The following TAFA2 variants were observed in gnomAD, a reference collection of about 807,000 sequenced individuals.
TAFA2 encodes the protein TAFA chemokine like family member 2.
In TAFA2, 7 loss-of-function variants were observed where a neutral mutation model predicts 18.8. The observed-to-expected ratio is 0.37, with a 90% CI of 0.21 to 0.70. The LOEUF is 0.70. Among genes scored for constraint, TAFA2 ranks in the 30% least tolerant of loss-of-function variants. The pLI is 0.53. For missense variants in TAFA2, 122 were observed against 158.1 expected, an observed-to-expected ratio of 0.77 and a Z score of 1.23; for synonymous variants, 60 against 54.2, an observed-to-expected ratio of 1.11 and a Z score of -0.47.
chr12:61,786,779 A>C (rs1404268622), intron 2 of TAFA2, among the ~76,000 whole-genome samples: 1 of 151,546 alleles, frequency 6.6e-6, no homozygotes, highest in East Asian at 1.9e-4. Context: ...CTATACGTGA[A>C]AGAGTATAAT....
intron 1 of TAFA2, among the ~76,000 whole-genome samples, chr12:62,094,856 C>G (rs2136839788): frequency 6.6e-6 from 1 of 152,094 alleles, no homozygotes; most frequent in East Asian, 1.9e-4. Context: ...TACTGCACTC[C>G]ATTCTGAGAA....
chr12:61,954,109 C>A (rs796467404), intron 1 of TAFA2, among the ~76,000 whole-genome samples: 4 of 152,212 alleles, frequency 2.6e-5, no homozygotes, highest in African/African-American at 9.6e-5. Context: ...AATTTCTCAT[C>A]CCTCACCTTC....
chr12:62,116,976 C>A (rs1195718800), intron 1 of TAFA2, among the ~76,000 whole-genome samples: 1 of 152,028 alleles, frequency 6.6e-6, no homozygotes, highest in Non-Finnish European at 1.5e-5. Context: ...AGAGGAGACA[C>A]CGGGGATGCA....
chr12:62,127,149 C>A (rs1056712027), intron 1 of TAFA2, among the ~76,000 whole-genome samples: 3 of 152,068 alleles, frequency 2.0e-5, no homozygotes, highest in Admixed American at 2.0e-4. Context: ...GGTCTCAAGT[C>A]AGGCCTTTAT....
At chr12:61,996,854 A>G (rs1880206838) in intron 1 of TAFA2, among the ~76,000 whole-genome samples, 1 of 152,194 alleles carries the variant, frequency 6.6e-6, no homozygotes, top group South Asian at 2.1e-4. Context: ...CCAAGAAAAA[A>G]CAAAATTTCT....
At chr12:62,011,751 TAAAAAA>T (rs202026493) in intron 1 of TAFA2, among the ~76,000 whole-genome samples, 16,020 of 102,860 alleles carry the variant, frequency 0.16, 1,089 homozygotes, top group African/African-American at 0.23. Flanking sequence ...CAATAAATAC[TAAAAAA>T]AAAAAAAAAA....
intron 2 of TAFA2, among the ~76,000 whole-genome samples, chr12:61,777,628 C>T (rs1392311668): frequency 6.6e-6 from 1 of 151,534 alleles, no homozygotes; most frequent in Non-Finnish European, 1.5e-5. Context: ...AGTCAGACTA[C>T]TTGCACTCAA....
chr12:61,918,166 CAA>C (rs764505228), intron 1 of TAFA2, among the ~76,000 whole-genome samples: 13 of 152,198 alleles, frequency 8.5e-5, no homozygotes, highest in Non-Finnish European at 1.8e-4. Context: ...TTCAAACAAT[CAA>C]ATCATACTCT....
chr12:61,768,404 A>T (rs1869879369), intron 2 of TAFA2, among the ~76,000 whole-genome samples: 1 of 152,100 alleles, frequency 6.6e-6, no homozygotes, highest in African/African-American at 2.4e-5. Context: ...TTGCTCCAAG[A>T]ACTACCGCAG....
chr12:61,788,764 C>T (rs1482294770), intron 2 of TAFA2, among the ~76,000 whole-genome samples: 1 of 151,624 alleles, frequency 6.6e-6, no homozygotes, highest in African/African-American at 2.4e-5. Context: ...TGAACAATTA[C>T]ATGCCAACAA....
chr12:61,710,832 A>T (rs1232468899), intron 4 of TAFA2, among the ~76,000 whole-genome samples: 1 of 152,120 alleles, frequency 6.6e-6, no homozygotes, highest in Non-Finnish European at 1.5e-5. Flanking sequence ...CAGTCACATC[A>T]TATTCTCAAA....
At position 61,874,905 on chromosome 12, in the gene TAFA2, C is replaced by T. The variant is rs534800235; in HGVS notation, c.-1-7479G>A. Among the ~76,000 whole-genome samples, 560 of 150,254 alleles carry T rather than the reference C, an allele frequency of 3.7e-3. 4 individuals carry two copies. The highest frequency in any genetic ancestry group is 0.013 in the African/African-American group (543 of 41,062). On this transcript the variant is annotated intron_variant, in intron 1 of 4. Coordinates refer to ENST00000416284, the MANE Select transcript of TAFA2 (RefSeq NM_178539.5). ...TGGGAATGTTGTCTATTTTTTTTTT[C>T]GAACAGGAATGCCATTAGAGTAAAC...
At chr12:61,891,763 T>C (rs1592464999) in intron 1 of TAFA2, among the ~76,000 whole-genome samples, 1 of 151,684 alleles carries the variant, frequency 6.6e-6, no homozygotes, top group Non-Finnish European at 1.5e-5. Flanking sequence ...AATAGTGAAA[T>C]AGAGAGAAGG....
intron 1 of TAFA2, among the ~76,000 whole-genome samples, chr12:62,112,709 C>T (rs542985572): frequency 1.3e-5 from 2 of 152,030 alleles, no homozygotes; most frequent in Non-Finnish European, 2.9e-5. Flanking sequence ...CTAATCTCAT[C>T]TTCAAGCTTT....
chr12:62,085,127 A>G (rs1868399866), intron 1 of TAFA2, among the ~76,000 whole-genome samples: 2 of 152,118 alleles, frequency 1.3e-5, no homozygotes, highest in South Asian at 2.1e-4. Context: ...AATTAATTTT[A>G]CTTTGTTGCT....
At chr12:62,221,930 A>G (rs1194479094) in intron 1 of TAFA2, among the ~76,000 whole-genome samples, 1 of 152,218 alleles carries the variant, frequency 6.6e-6, no homozygotes, top group Non-Finnish European at 1.5e-5. Context: ...ACACGCAACT[A>G]CAAAGTGCTA....
rs571631549 is a variant in TAFA2 at position 62,016,576 on chromosome 12, A to C, written c.-1-149150T>G. Among the ~76,000 whole-genome samples, 14 of 152,298 alleles carry C rather than the reference A, an allele frequency of 9.2e-5. 1 individual carries two copies. In the East Asian group the frequency reaches 1.4e-3, roughly 15 times the overall value. On this transcript the variant is annotated intron_variant, in intron 1 of 4. Transcript: ENST00000416284. ...TTCTTCCCACAGGCACCAGGGAAAG[A>C]AAATTTAGAATCAAGATGCAGGTGG... is the stretch of plus-strand genomic sequence containing the variant.
At chr12:61,735,656 T>C (rs1470827501) in intron 4 of TAFA2, among the ~76,000 whole-genome samples, 1 of 152,070 alleles carries the variant, frequency 6.6e-6, no homozygotes, top group African/African-American at 2.4e-5. Flanking sequence ...TTTTGCCTTC[T>C]TTTGTATAGT....
At chr12:61,912,729 A>C (rs1045537854) in intron 1 of TAFA2, among the ~76,000 whole-genome samples, 111 of 152,338 alleles carry the variant, frequency 7.3e-4, no homozygotes, top group African/African-American at 2.5e-3. Flanking sequence ...CCCCTGGTAA[A>C]GCTAAAAAAC....
Sources: gnomAD v4.1 joint callset for allele counts (sites outside exome capture counted in the v4.1 genomes callset) on GRCh38, gnomAD v4.1.1 for gene constraint, MANE v1.5 for transcripts, NCBI Gene and HGNC (gene_info 2026-07-23, HGNC 2026-07-21) for gene names.